The following ATP11A variants were observed in gnomAD, a reference collection of about 807,000 sequenced individuals.
ATP11A encodes phospholipid-transporting ATPase IH.
Under a neutral mutation model 154.4 loss-of-function variants are expected in ATP11A, and 81 were observed. The ratio of observed to expected loss-of-function variants is 0.52; its 90% confidence interval spans 0.44 to 0.63. The LOEUF is 0.63. Ranked by LOEUF, ATP11A falls within the 30% of genes least tolerant of loss-of-function variation. ATP11A has a pLI of 0.00. For missense variants in ATP11A, 1,316 were observed against 1,474.3 expected (o/e 0.89, Z 1.76); for synonymous variants, 623 against 585.9 (o/e 1.06, Z -0.91).
intron 1 of ATP11A, among the ~76,000 whole-genome samples, chr13:112,750,804 C>T (rs1032330357): frequency 6.6e-6 from 1 of 152,228 alleles, no homozygotes; most frequent in South Asian, 2.1e-4. Flanking sequence ...GACTTCTGAC[C>T]TCTTCTGGGT....
At chr13:112,872,796 C>G (rs927402975) in intron 26 of ATP11A, among the ~76,000 whole-genome samples, 2 of 137,704 alleles carry the variant, frequency 1.5e-5, no homozygotes, top group Admixed American at 1.6e-4. Flanking sequence ...TTCCTCTCCA[C>G]TCACACTGTG....
intron 3 of ATP11A, among the ~76,000 whole-genome samples, chr13:112,805,666 C>G (rs2078301043): frequency 1.7e-5 from 2 of 117,138 alleles, no homozygotes; most frequent in Non-Finnish European, 1.7e-5. Flanking sequence ...CAGAGCGAGA[C>G]TGTCTCAAAA....
intron 16 of ATP11A, among the ~76,000 whole-genome samples, chr13:112,840,872 A>C (rs1183481433): frequency 2.6e-5 from 4 of 151,558 alleles, no homozygotes; most frequent in Non-Finnish European, 5.9e-5. Flanking sequence ...TGTCCCTCCC[A>C]CCACCACCCT....
At chr13:112,781,441 T>C (rs1228553018) in intron 1 of ATP11A, among the ~76,000 whole-genome samples, 1 of 152,200 alleles carries the variant, frequency 6.6e-6, no homozygotes, top group East Asian at 1.9e-4. Context: ...CTCCTGAGTT[T>C]GTTTTCGTTG....
At chr13:112,751,589 G>C (rs1352470848) in intron 1 of ATP11A, among the ~76,000 whole-genome samples, 1 of 152,142 alleles carries the variant, frequency 6.6e-6, no homozygotes, top group Admixed American at 6.6e-5. Flanking sequence ...GAACCCGGAA[G>C]GTGGAGGTTG....
rs777573642 is a variant in ATP11A at position 112,819,402 on chromosome 13, C to T, written c.669C>T (p.Leu223=). ...TIECEQPQPD[L]YKFVGRINVY... is the part of the protein sequence containing the mutation. The stretch of plus-strand genomic sequence containing the variant: ...AGTGTGAGCAGCCCCAGCCCGACCT[C>T]TACAAGTAAGCGGGAGCTTTGGGTT... The change falls in exon 7 of 30, where the codon CTC becomes CTT. Residue 223 remains leucine (L), a synonymous_variant. Coordinates refer to ENST00000375645, the MANE Select transcript of ATP11A (RefSeq NM_015205.3). The T allele has an allele frequency of 1.9e-6, 3 of 1,614,192 alleles. No homozygotes were observed.
At chr13:112,809,938 C>T (rs1218053723) in intron 4 of ATP11A, among the ~76,000 whole-genome samples, 10 of 152,204 alleles carry the variant, frequency 6.6e-5, no homozygotes, top group Admixed American at 6.5e-4. Context: ...TCCGTCAGCG[C>T]GGCCGGGGTC....
intron 20 of ATP11A, among the ~76,000 whole-genome samples, chr13:112,857,235 T>C (rs2079956548): frequency 6.6e-6 from 1 of 152,014 alleles, no homozygotes; most frequent in African/African-American, 2.4e-5. Context: ...TTTAGGCACA[T>C]AGATGGGGGG....
intron 27 of ATP11A, among the ~76,000 whole-genome samples, chr13:112,874,596 C>T (rs932921133): frequency 5.3e-5 from 8 of 152,188 alleles, no homozygotes; most frequent in African/African-American, 1.9e-4. Context: ...CTAGGGAAAG[C>T]CAGCAACCCA....
At chr13:112,805,459 C>T (rs896787459) in intron 3 of ATP11A, among the ~76,000 whole-genome samples, 7 of 152,088 alleles carry the variant, frequency 4.6e-5, no homozygotes, top group South Asian at 2.1e-4. Flanking sequence ...GGGAGGATCA[C>T]GAGGTCCAGA....
chr13:112,798,974 C>A (rs563254572), intron 2 of ATP11A, among the ~76,000 whole-genome samples: 40 of 152,232 alleles, frequency 2.6e-4, no homozygotes, highest in African/African-American at 9.6e-4. Context: ...GAAGATGTAC[C>A]ATGCTGCTAC....
chr13:112,821,781 T>C (rs1213017406), intron 8 of ATP11A, among the ~76,000 whole-genome samples: 3 of 152,218 alleles, frequency 2.0e-5, no homozygotes, highest in Non-Finnish European at 4.4e-5. Flanking sequence ...AAAGTACTTT[T>C]CCAAGTAAAT....
rs921336394 is a variant in ATP11A, at chr13:112,886,315, C to T, written c.*4449C>T. ...GCCTTGGCCAGGGGTCCGGTGCTGT[C>T]GCGGGAAACCTCCAGCCTTGTTCTT... is the stretch of plus-strand genomic sequence containing the variant. On this transcript the variant is annotated 3_prime_UTR_variant, in exon 30 of 30. Coordinates refer to ENST00000375645, the MANE Select transcript of ATP11A (RefSeq NM_015205.3). 6.6e-6 allele frequency: 1 copy of T among 152,348 alleles called. No individual in the cohort carries two copies. The highest frequency in any genetic ancestry group is 2.4e-5 in the African/African-American group (1 of 41,576). The allele number at this position is 152,348 out of a possible 1,614,324, so 9.4% of individuals were successfully genotyped here.
At chr13:112,802,347 C>CA (rs202040631) in intron 2 of ATP11A, among the ~76,000 whole-genome samples, 265 of 140,868 alleles carry the variant, frequency 1.9e-3, no homozygotes, top group African/African-American at 5.0e-3. Context: ...CTCCGTCTCA[C>CA]AAAAAAAAAA....
At chr13:112,839,857 G>A (rs2079345557) in intron 16 of ATP11A, among the ~76,000 whole-genome samples, 1 of 152,130 alleles carries the variant, frequency 6.6e-6, no homozygotes, top group African/African-American at 2.4e-5. Flanking sequence ...TAAAAAATGT[G>A]CTGTTGTTCA....
At chr13:112,794,745 G>A (rs1344815255) in intron 2 of ATP11A, among the ~76,000 whole-genome samples, 1 of 152,150 alleles carries the variant, frequency 6.6e-6, no homozygotes, top group Non-Finnish European at 1.5e-5. Context: ...GCGGGCGCCT[G>A]TATTTCTAGC....
In ATP11A at chr13:112,851,193, C is replaced by T. The variant is rs1220757657; in HGVS notation, c.1966C>T (p.Leu656Phe). The change falls in exon 18 of 30, where the codon CTT (leucine) becomes TTT (phenylalanine). Residue 656 changes from leucine (L) to phenylalanine (F), a missense_variant. This residue lies in a region of ATP11A where 876 missense variants were observed against 1,006.8 expected (regional missense o/e 0.87). Transcript: ENST00000375645. ...YEQIEKDLTL[L>F]GATAVEDRLQ... Reference sequence around the variant, plus strand: ...GCAAATAGAGAAAGATCTTACTCTGCTTGGTGCTACAGCTGTTGAGGACCG... The same window carrying T: ...GCAAATAGAGAAAGATCTTACTCTGTTTGGTGCTACAGCTGTTGAGGACCG... 6.2e-7 allele frequency: 1 copy of T among 1,613,910 alleles called. No individual in the cohort carries two copies. Among genetic ancestry groups the T allele is most frequent in the East Asian group, 2.2e-5 (1 of 44,892 alleles).
rs570570428 is a variant in ATP11A, at chr13:112,690,901, G to A, written c.39+446G>A. Among the ~76,000 whole-genome samples, 6 of 152,364 alleles carry A rather than the reference G, an allele frequency of 3.9e-5. No homozygotes were observed. Among genetic ancestry groups the A allele is most frequent in the Admixed American group, 6.5e-5 (1 of 15,312 alleles). On this transcript the variant is annotated intron_variant, in intron 1 of 29. Coordinates refer to ENST00000375645, the MANE Select transcript of ATP11A (RefSeq NM_015205.3). This position sits in a 1 kb window ranked among gnomAD's most constrained non-coding sequence, Gnocchi z 5.6. ...GTCTGTAAGATTAAGGGATTGGGAGGAAGCGTTACACTTCTGCAGAAAAAG... is the reference window on the plus strand; with the variant it reads ...GTCTGTAAGATTAAGGGATTGGGAGAAAGCGTTACACTTCTGCAGAAAAAG...
intron 27 of ATP11A, among the ~76,000 whole-genome samples, chr13:112,874,204 G>A (rs1171463944): frequency 6.6e-6 from 1 of 152,196 alleles, no homozygotes; most frequent in African/African-American, 2.4e-5. Flanking sequence ...CCTCTGGTTT[G>A]GGGGAGAGCA....
Sources: gnomAD v4.1 joint callset for allele counts (sites outside exome capture counted in the v4.1 genomes callset) on GRCh38, gnomAD v4.1.1 for gene constraint, gnomAD v4.1.1 regional missense constraint, Gnocchi (gnomAD v3.1) non-coding constraint, MANE v1.5 for transcripts, NCBI Gene and HGNC (gene_info 2026-07-23, HGNC 2026-07-21) for gene names.